The following MACROD2 variants were observed in gnomAD, a reference collection of about 807,000 sequenced individuals.
The protein encoded by MACROD2 is mono-ADP ribosylhydrolase 2, also known as ADP-ribose glycohydrolase MACROD2.
A neutral mutation model predicts 70.4 loss-of-function variants in MACROD2; 36 were observed. The ratio of observed to expected loss-of-function variants is 0.51; its 90% CI spans 0.39 to 0.68. The LOEUF (loss-of-function observed/expected upper bound fraction) is 0.68. MACROD2 is among the 30% of genes least tolerant of loss of function. MACROD2 has a pLI of 0.00. For missense variants in MACROD2, 496 were observed against 538.4 expected (o/e 0.92, Z 0.78); for synonymous variants, 172 against 178.8 (o/e 0.96, Z 0.30).
intron 3 of MACROD2, among the ~76,000 whole-genome samples, chr20:14,472,497 A>G (rs189520667): frequency 6.6e-6 from 1 of 152,304 alleles, no homozygotes; most frequent in African/African-American, 2.4e-5. Context: ...GAAATAGCCT[A>G]TTTATTAATG....
chr20:14,796,752 C>G (rs2072514276), intron 5 of MACROD2, among the ~76,000 whole-genome samples: 2 of 151,964 alleles, frequency 1.3e-5, no homozygotes, highest in South Asian at 4.2e-4. Flanking sequence ...GTATACATAG[C>G]TTTAATATAT....
intron 12 of MACROD2, among the ~76,000 whole-genome samples, chr20:15,939,391 T>C (rs2065716320): frequency 6.6e-6 from 1 of 152,162 alleles, no homozygotes; most frequent in Non-Finnish European, 1.5e-5. Context: ...CCTAGTGCTC[T>C]TAACAATTAG....
chr20:14,221,540 A>C (rs1293203529), intron 3 of MACROD2, among the ~76,000 whole-genome samples: 2 of 152,230 alleles, frequency 1.3e-5, no homozygotes, highest in Non-Finnish European at 2.9e-5. Flanking sequence ...ACTAGAAGAA[A>C]ACCTAGGGAA....
chr20:15,789,038 A>T (rs1307285933), intron 8 of MACROD2, among the ~76,000 whole-genome samples: 1 of 152,242 alleles, frequency 6.6e-6, no homozygotes, highest in Non-Finnish European at 1.5e-5. Flanking sequence ...CTTCCCTTGA[A>T]ATGAGCAACT....
chr20:15,645,450 A>G (rs1207792479), intron 8 of MACROD2, among the ~76,000 whole-genome samples: 2 of 152,210 alleles, frequency 1.3e-5, no homozygotes, highest in African/African-American at 4.8e-5. Flanking sequence ...AGATGTTCCA[A>G]AGAAATGAAT....
intron 3 of MACROD2, among the ~76,000 whole-genome samples, chr20:14,221,888 C>G (rs1293146246): frequency 3.3e-5 from 5 of 152,212 alleles, no homozygotes; most frequent in Admixed American, 1.3e-4. Context: ...ATTCAACTCA[C>G]TAATCATAAG....
intron 8 of MACROD2, among the ~76,000 whole-genome samples, chr20:15,845,139 A>G (rs189019338): frequency 1.1e-4 from 16 of 152,138 alleles, no homozygotes; most frequent in African/African-American, 3.6e-4. Flanking sequence ...TCAGAATGTG[A>G]CCCTGTTTGG....
chr20:14,493,665 T>C, intron 4 of MACROD2, 157 bp downstream of exon 4: 1 of 576,180 alleles, frequency 1.7e-6, no homozygotes. Flanking sequence ...ATAATATAAA[T>C]ACCTTGGTTT....
At chr20:15,672,250 A>G (rs908778703) in intron 8 of MACROD2, among the ~76,000 whole-genome samples, 2 of 151,686 alleles carry the variant, frequency 1.3e-5, no homozygotes, top group Non-Finnish European at 2.9e-5. Flanking sequence ...CCAGGTTAGA[A>G]ATTCTTCATT....
chr20:14,613,114 G>C (rs1983270449), intron 4 of MACROD2, among the ~76,000 whole-genome samples: 1 of 151,870 alleles, frequency 6.6e-6, no homozygotes, highest in South Asian at 2.1e-4. Context: ...TTTCTAATAG[G>C]GTATTAAAAA....
intron 2 of MACROD2, among the ~76,000 whole-genome samples, chr20:14,005,689 A>T (rs1337046824): frequency 2.6e-5 from 4 of 151,114 alleles, no homozygotes; most frequent in Non-Finnish European, 5.9e-5. Flanking sequence ...TACAACCTCC[A>T]CCTCCTGGCT....
intron 6 of MACROD2, among the ~76,000 whole-genome samples, chr20:15,421,035 G>A (rs879936006): frequency 6.6e-6 from 1 of 152,148 alleles, no homozygotes; most frequent in African/African-American, 2.4e-5. Flanking sequence ...AAAGTGAGCT[G>A]TGATAGTACC....
intron 3 of MACROD2, among the ~76,000 whole-genome samples, chr20:14,258,667 T>C (rs1208831572): frequency 6.6e-6 from 1 of 152,162 alleles, no homozygotes; most frequent in Non-Finnish European, 1.5e-5. Flanking sequence ...GGGTTGTCTG[T>C]TTACTCTGCT....
chr20:14,844,857 A>C (rs1243677666), intron 5 of MACROD2, among the ~76,000 whole-genome samples: 1 of 152,076 alleles, frequency 6.6e-6, no homozygotes, highest in Non-Finnish European at 1.5e-5. Flanking sequence ...AGCTCTTTAC[A>C]TTCTGGCCCT....
In MACROD2 at chr20:15,100,143, CCCAGGTTGGTCTTGAACT is replaced by C. The variant is rs374445655; in HGVS notation, c.419-129794_419-129777del. 7.8e-4 allele frequency among the ~76,000 whole-genome samples: 119 copies of C among 152,126 alleles called. No individual in the cohort carries two copies. The Middle Eastern group carries it at 0.01, about 13-fold the overall frequency. ...ATAGAGACAGGGTCTCGCCATGTTG[CCCAGGTTGGTCTTGAACT>C]CCTGGATTCAAGCAATCCTCCTGCC... On this transcript the variant is annotated intron_variant, in intron 5 of 17. Coordinates refer to ENST00000684519, the MANE Select transcript of MACROD2 (RefSeq NM_001351661.2).
At chr20:15,280,042 T>A (rs2077428998) in intron 6 of MACROD2, among the ~76,000 whole-genome samples, 1 of 152,250 alleles carries the variant, frequency 6.6e-6, no homozygotes. Flanking sequence ...AGGAAAGTTT[T>A]CAAAGCCCAG....
At chr20:15,507,690 G>A (rs1429041190) in intron 8 of MACROD2, among the ~76,000 whole-genome samples, 2 of 151,992 alleles carry the variant, frequency 1.3e-5, no homozygotes, top group African/African-American at 4.8e-5. Flanking sequence ...CCAGTGCTTG[G>A]TGTCACCATA....
intron 5 of MACROD2, among the ~76,000 whole-genome samples, chr20:14,901,435 T>G (rs1262471791): frequency 6.6e-6 from 1 of 152,074 alleles, no homozygotes; most frequent in African/African-American, 2.4e-5. Flanking sequence ...AAAATAATAT[T>G]GTAAAGCAGA....
intron 4 of MACROD2, among the ~76,000 whole-genome samples, chr20:14,613,959 A>G (rs1019674890): frequency 1.3e-5 from 2 of 152,156 alleles, no homozygotes; most frequent in Non-Finnish European, 2.9e-5. Flanking sequence ...AGATCTAAGT[A>G]CAATCCAAAT....
Sources: allele counts gnomAD v4.1 joint callset (sites outside exome capture counted in the v4.1 genomes callset), GRCh38; gene constraint gnomAD v4.1.1; transcripts MANE v1.5; gene names NCBI Gene and HGNC (gene_info 2026-07-23, HGNC 2026-07-21).